The following ASXL1 variants were observed in gnomAD, a reference collection of about 807,000 sequenced individuals.
The protein encoded by ASXL1 is polycomb group protein ASXL1.
A neutral mutation model predicts 89.1 loss-of-function variants in ASXL1; 65 were observed. That is an observed-to-expected ratio of 0.73 (90% CI 0.60 to 0.90). The LOEUF (loss-of-function observed/expected upper bound fraction) is 0.90, where lower values mean the gene tolerates loss of function less well. Ranked by LOEUF, ASXL1 falls within the 40% of genes least tolerant of loss-of-function variation. ASXL1 has a pLI of 0.00. For missense variants in ASXL1, 1,786 were observed against 1,942.9 expected (o/e 0.92, Z 1.52); for synonymous variants, 739 against 746.9 (o/e 0.99, Z 0.17).
intron 4 of ASXL1, among the ~76,000 whole-genome samples, chr20:32,379,161 C>CTTTTTTTTTTTTTTTTTTTTT (rs71187113): frequency 8.1e-5 from 5 of 61,760 alleles, no homozygotes; most frequent in African/African-American, 1.4e-4. Context: ...TAACTTCAGT[C>CTTTTTTTTTTTTTTTTTTTTT]TTTTTTTTTT....
At position 32,425,547 on chromosome 20, in the gene ASXL1, C is replaced by T. The variant is rs555701660; in HGVS notation, c.253-2581C>T. On this transcript the variant is annotated intron_variant, in intron 4 of 12. Coordinates refer to ENST00000375687, the MANE Select transcript of ASXL1 (RefSeq NM_015338.6). ...TGATGGATGTGGTAGTATCTCATTGCGGTTTTAATTTGCATTATTTTGCAT... is the reference window on the plus strand; with the variant it reads ...TGATGGATGTGGTAGTATCTCATTGTGGTTTTAATTTGCATTATTTTGCAT... Among the ~76,000 whole-genome samples the T allele has an allele frequency of 1.8e-3, 267 of 152,260 alleles. 3 individuals are homozygous for T. The highest frequency in any genetic ancestry group is 5.5e-3 in the African/African-American group (230 of 41,544).
chr20:32,386,424 AC>A (rs148888819), intron 4 of ASXL1, among the ~76,000 whole-genome samples: 3,192 of 151,502 alleles, frequency 0.021, 111 homozygotes, highest in African/African-American at 0.074. Context: ...ATTTGGGGTT[AC>A]TTTTTTTTTT....
At chr20:32,410,093 A>G (rs1001284056) in intron 4 of ASXL1, among the ~76,000 whole-genome samples, 3 of 152,152 alleles carry the variant, frequency 2.0e-5, no homozygotes, top group East Asian at 1.9e-4. Context: ...CTGATTTCTG[A>G]TAACGATAAC....
intron 4 of ASXL1, among the ~76,000 whole-genome samples, chr20:32,416,063 C>T (rs2049132598): frequency 6.6e-6 from 1 of 152,094 alleles, no homozygotes; most frequent in African/African-American, 2.4e-5. Flanking sequence ...CAATGCAGTA[C>T]ACTACAAATT....
At chr20:32,414,009 T>TA (rs2049094504) in intron 4 of ASXL1, among the ~76,000 whole-genome samples, 1 of 152,218 alleles carries the variant, frequency 6.6e-6, no homozygotes, top group Non-Finnish European at 1.5e-5. Context: ...ATGTTACTCT[T>TA]ACTACTACAT....
chr20:32,386,538 C>T (rs1333430089), intron 4 of ASXL1, among the ~76,000 whole-genome samples: 1 of 152,036 alleles, frequency 6.6e-6, no homozygotes, highest in African/African-American at 2.4e-5. Flanking sequence ...ATGCCTTAGC[C>T]ACTGGAATAG....
chr20:32,418,168 ACT>A (rs201915857), intron 4 of ASXL1, among the ~76,000 whole-genome samples: 2,338 of 152,054 alleles, frequency 0.015, 75 homozygotes, highest in African/African-American at 0.052. Context: ...ACAGAGCAAG[ACT>A]CTGTATCAAA....
Position 32,358,750 on chromosome 20 carries a change from A to C in ASXL1, c.-26A>C. The C allele has an allele frequency of 6.5e-6, 5 of 770,302 alleles. No individual in the cohort carries two copies. The highest frequency in any genetic ancestry group is 7.1e-5 in the East Asian group (1 of 14,010). 47.7% of individuals were successfully genotyped at this position (770,302 alleles called of 1,614,324 possible). ...CGCCCAGCCCGGAGGTCCCGCGTGG[A>C]GCTGCCGCCGCCGCCGGGGAGAAGG... is the stretch of plus-strand genomic sequence containing the variant. On this transcript the variant is annotated 5_prime_UTR_variant, in exon 1 of 13. Coordinates refer to ENST00000375687, the MANE Select transcript of ASXL1 (RefSeq NM_015338.6).
chr20:32,438,904 T>C lies in ASXL1; in HGVS notation c.*1566T>C, dbSNP rs2012070775. On this transcript the variant is annotated 3_prime_UTR_variant, in exon 13 of 13. Coordinates refer to ENST00000375687, the MANE Select transcript of ASXL1 (RefSeq NM_015338.6). ...CCCCTGTGTGTGTTTTCCCTTGCCT[T>C]GTTTCCTGCCTTATATCTTGTATTT... is the stretch of plus-strand genomic sequence containing the variant. The C allele has an allele frequency of 4.3e-6, 1 of 233,420 alleles. No homozygotes were observed. Among genetic ancestry groups the C allele is most frequent in the African/African-American group, 2.2e-5 (1 of 45,358 alleles). 14.5% of individuals were successfully genotyped at this position (233,420 alleles called of 1,614,324 possible). A position where few individuals can be genotyped will look rare whatever the true frequency, so the allele number is the denominator to read the frequency against.
chr20:32,397,752 A>G (rs1182513503), intron 4 of ASXL1, among the ~76,000 whole-genome samples: 7 of 152,212 alleles, frequency 4.6e-5, no homozygotes, highest in African/African-American at 1.7e-4. Flanking sequence ...TCGAAAGTTT[A>G]CAAAGTTTGC....
At position 32,431,374 on chromosome 20, in the gene ASXL1, A is replaced by C; in HGVS notation, c.772A>C (p.Ile258Leu). 1 of 1,614,218 alleles carries C rather than the reference A, an allele frequency of 6.2e-7. No individual in the cohort carries two copies. Among genetic ancestry groups the C allele is most frequent in the Non-Finnish European group, 8.5e-7 (1 of 1,180,036 alleles). The change falls in exon 9 of 13, where the codon ATT becomes CTT. Residue 258 changes from isoleucine (I) to leucine (L), a missense_variant. This residue lies in a region of ASXL1 where 332 missense variants were observed against 449.7 expected (regional missense o/e 0.74). Coordinates refer to ENST00000375687, the MANE Select transcript of ASXL1 (RefSeq NM_015338.6). Reference sequence around the variant, plus strand: ...AATAGATTTTGAGACACCTGGGTCCATTCTTGTCAACACCAACCTCCGTGC... The same window carrying C: ...AATAGATTTTGAGACACCTGGGTCCCTTCTTGTCAACACCAACCTCCGTGC... ...EEIDFETPGS[I>L]LVNTNLRALI... is the part of the protein sequence containing the mutation.
rs1032824785 is a variant in ASXL1 at position 32,438,602 on chromosome 20, C to A, written c.*1264C>A. On this transcript the variant is annotated 3_prime_UTR_variant, in exon 13 of 13. Transcript: ENST00000375687. ...GCATCTTGCTTTTCACATCTCTCCT[C>A]CTACAGCCTTAATGGCTGCTTGCTG... 1 of 233,584 alleles carries A rather than the reference C, an allele frequency of 4.3e-6. No individual in the cohort carries two copies. The highest frequency in any genetic ancestry group is 2.2e-5 in the African/African-American group (1 of 45,358). The allele number at this position is 233,584 out of a possible 1,614,324, so 14.5% of individuals were successfully genotyped here. A position where few individuals can be genotyped will look rare whatever the true frequency, so the allele number is the denominator to read the frequency against.
At chr20:32,421,922 G>T (rs1426432114) in intron 4 of ASXL1, among the ~76,000 whole-genome samples, 1 of 138,076 alleles carries the variant, frequency 7.2e-6, no homozygotes, top group African/African-American at 2.7e-5. Context: ...AGGCTGGAGT[G>T]CAGTGGCGTG....
intron 4 of ASXL1, among the ~76,000 whole-genome samples, chr20:32,392,155 C>T (rs1180695381): frequency 1.3e-5 from 2 of 151,948 alleles, no homozygotes; most frequent in African/African-American, 4.8e-5. Flanking sequence ...GCTGTGCCAC[C>T]CAGGCTGGGG....
chr20:32,432,875 C>T lies in ASXL1; in HGVS notation c.980-5C>T. On this transcript the variant is annotated splice_polypyrimidine_tract_variant and splice_region_variant and intron_variant, in intron 10 of 12. Coordinates refer to ENST00000375687, the MANE Select transcript of ASXL1 (RefSeq NM_015338.6). ...ACTTACTAGAAGAGGTTTATTTCTC[C>T]CTAGGTGAATTTACTCATGAGATGC... The T allele has an allele frequency of 1.9e-6, 3 of 1,613,516 alleles. No homozygotes were observed. Among genetic ancestry groups the T allele is most frequent in the Non-Finnish European group, 2.5e-6 (3 of 1,179,848 alleles).
chr20:32,413,611 G>A (rs2049086906), intron 4 of ASXL1, among the ~76,000 whole-genome samples: 1 of 152,166 alleles, frequency 6.6e-6, no homozygotes, highest in South Asian at 2.1e-4. Flanking sequence ...GTGTAAGGTG[G>A]CCAGCCATCC....
chr20:32,358,963 A>G (rs1232241507), intron 1 of ASXL1, 131 bp downstream of exon 1: 1 of 994,684 alleles, frequency 1.0e-6, no homozygotes, highest in Admixed American at 3.5e-5. Context: ...TTCCTTTAAG[A>G]ACGGGACAGC....
chr20:32,412,193 T>C (rs904615478), intron 4 of ASXL1, among the ~76,000 whole-genome samples: 9 of 152,238 alleles, frequency 5.9e-5, no homozygotes, highest in Non-Finnish European at 1.3e-4. Flanking sequence ...AGTCTCTTAC[T>C]GGGGGTTTCA....
intron 4 of ASXL1, chr20:32,372,247 T>TGG: frequency 7.6e-7 from 1 of 1,315,326 alleles, no homozygotes; most frequent in Non-Finnish European, 1.0e-6. Context: ...GCTGTAAGCT[T>TGG]GGGAGTGGTC....
Sources: allele counts gnomAD v4.1 joint callset (sites outside exome capture counted in the v4.1 genomes callset), GRCh38; gene constraint gnomAD v4.1.1; regional missense constraint gnomAD v4.1.1; transcripts MANE v1.5; gene names NCBI Gene and HGNC (gene_info 2026-07-23, HGNC 2026-07-21).